The following ZCCHC17 variants were observed in gnomAD, a reference collection of about 807,000 sequenced individuals.
ZCCHC17 encodes the protein zinc finger CCHC domain-containing protein 17.
ZCCHC17 carries 18 observed loss-of-function variants against 30.6 expected under a neutral mutation model. That is an observed-to-expected ratio of 0.59 (90% CI 0.41 to 0.87). The LOEUF is 0.87. Among genes scored for constraint, ZCCHC17 ranks in the 40% least tolerant of loss-of-function variants. The pLI, the probability that ZCCHC17 is intolerant of heterozygous loss-of-function variation, is 0.00. For missense variants in ZCCHC17, 263 were observed against 284.2 expected, an observed-to-expected ratio of 0.93 and a Z score of 0.54; for synonymous variants, 88 against 92.4, an observed-to-expected ratio of 0.95 and a Z score of 0.27.
intron 3 of ZCCHC17, among the ~76,000 whole-genome samples, chr1:31,331,425 C>T (rs1032304350): frequency 1.3e-5 from 2 of 151,920 alleles, no homozygotes; most frequent in Non-Finnish European, 2.9e-5. Flanking sequence ...GGATTACAGG[C>T]GTGAGCCAGC....
In ZCCHC17 at chr1:31,339,899, T is replaced by C. The variant is rs565294502; in HGVS notation, c.317+851T>C. ...TCATTTAGGAATGGGAAATTATCTA[T>C]GTAGGACAATGTCTGGCAATACAAG... On this transcript the variant is annotated intron_variant, in intron 5 of 7. Coordinates refer to ENST00000344147, the MANE Select transcript of ZCCHC17 (RefSeq NM_016505.4). Among the ~76,000 whole-genome samples the C allele has an allele frequency of 3.3e-5, 5 of 151,554 alleles. No homozygotes were observed. The South Asian group carries it at 1.0e-3, about 32-fold the overall frequency.
chr1:31,308,072 C>G (rs953774982), intron 1 of ZCCHC17, among the ~76,000 whole-genome samples: 1 of 152,070 alleles, frequency 6.6e-6, no homozygotes, highest in Non-Finnish European at 1.5e-5. Context: ...GGATACTGGA[C>G]AGAGGGAAAG....
At chr1:31,332,191 C>T (rs1344610568) in intron 3 of ZCCHC17, among the ~76,000 whole-genome samples, 2 of 152,160 alleles carry the variant, frequency 1.3e-5, no homozygotes, top group African/African-American at 4.8e-5. Flanking sequence ...AACTGACAGT[C>T]TGGTTAATGT....
At chr1:31,305,174 C>T (rs1270767688) in intron 1 of ZCCHC17, among the ~76,000 whole-genome samples, 1 of 152,194 alleles carries the variant, frequency 6.6e-6, no homozygotes, top group Non-Finnish European at 1.5e-5. Flanking sequence ...GGTTCTACTC[C>T]CTCAGCCTTT....
At chr1:31,340,827 C>G (rs962782030) in intron 5 of ZCCHC17, among the ~76,000 whole-genome samples, 2 of 152,142 alleles carry the variant, frequency 1.3e-5, no homozygotes, top group Non-Finnish European at 2.9e-5. Context: ...TGAGTGGGAT[C>G]TTATTGGTGA....
chr1:31,363,114 A>T (rs1482892723), intron 7 of ZCCHC17, among the ~76,000 whole-genome samples: 1 of 152,066 alleles, frequency 6.6e-6, no homozygotes, highest in Non-Finnish European at 1.5e-5. Context: ...TCTTTTACTT[A>T]ACATGTTTTA....
At chr1:31,321,378 C>G (rs1331732857) in intron 3 of ZCCHC17, among the ~76,000 whole-genome samples, 2 of 152,186 alleles carry the variant, frequency 1.3e-5, no homozygotes, top group African/African-American at 4.8e-5. Flanking sequence ...TGAGGCTTCC[C>G]CAGCCATGCT....
At position 31,364,611 on chromosome 1, in the gene ZCCHC17, C is replaced by T. The variant is rs181814327; in HGVS notation, c.*418C>T. 2 of 168,062 alleles carry T rather than the reference C, an allele frequency of 1.2e-5. No individual in the cohort carries two copies. Among genetic ancestry groups the T allele is most frequent in the Non-Finnish European group, 1.3e-5 (1 of 77,128 alleles). The allele number at this position is 168,062 out of a possible 1,614,324, so 10.4% of individuals were successfully genotyped here. ...ACCCTTCCTATTGGTCTGTCCTGGGCCAACTGGTGGGTGATCTCTGCTGCA... is the reference window on the plus strand; with the variant it reads ...ACCCTTCCTATTGGTCTGTCCTGGGTCAACTGGTGGGTGATCTCTGCTGCA... On this transcript the variant is annotated 3_prime_UTR_variant, in exon 8 of 8. Transcript: ENST00000344147.
chr1:31,344,036 G>A (rs1387676344), intron 5 of ZCCHC17, among the ~76,000 whole-genome samples: 1 of 151,634 alleles, frequency 6.6e-6, no homozygotes, highest in Non-Finnish European at 1.5e-5. Flanking sequence ...TGTTTTTTTA[G>A]TAGAGACGGG....
intron 2 of ZCCHC17, among the ~76,000 whole-genome samples, chr1:31,315,455 T>C (rs1258188151): frequency 6.6e-6 from 1 of 152,168 alleles, no homozygotes; most frequent in East Asian, 1.9e-4. Context: ...ATTATATTAA[T>C]ACATGGTAGG....
intron 5 of ZCCHC17, among the ~76,000 whole-genome samples, chr1:31,345,313 C>T (rs7556591): frequency 0.14 from 21,263 of 150,884 alleles, 1,630 homozygotes; most frequent in African/African-American, 0.17. Context: ...CCCGCCACCT[C>T]GCCCGGCTAA....
Position 31,310,043 on chromosome 1 carries a change from G to A in ZCCHC17, c.-55-1G>A. ...ATTGGTGTCTGATTTCTTTATGACA[G>A]GACACTTGTATTAGCTTTAATAGAA... On this transcript the variant is annotated splice_acceptor_variant, in intron 1 of 7. Transcript: ENST00000344147. LOFTEE classifies it low-confidence loss of function (5UTR_SPLICE). 2 of 1,558,584 alleles carry A rather than the reference G, an allele frequency of 1.3e-6. No homozygotes were observed.
chr1:31,344,182 C>T (rs574456749), intron 5 of ZCCHC17, among the ~76,000 whole-genome samples: 12 of 151,544 alleles, frequency 7.9e-5, no homozygotes, highest in Admixed American at 2.6e-4. Context: ...GTAGAGATGA[C>T]GTCTTGCTGT....
chr1:31,335,565 A>T (rs187431441), intron 3 of ZCCHC17, among the ~76,000 whole-genome samples: 137 of 152,158 alleles, frequency 9.0e-4, no homozygotes, highest in Non-Finnish European at 8.2e-4. Context: ...TTTTCTAGAG[A>T]TGGGGTCTCA....
At chr1:31,327,932 G>A (rs1638423240) in intron 3 of ZCCHC17, among the ~76,000 whole-genome samples, 1 of 152,146 alleles carries the variant, frequency 6.6e-6, no homozygotes, top group Non-Finnish European at 1.5e-5. Flanking sequence ...CCAAACCTCA[G>A]CATCATGCAG....
In ZCCHC17 at chr1:31,310,124, T is replaced by C; in HGVS notation, c.26T>C (p.Met9Thr). Residue 9 changes from methionine to threonine, a missense_variant, in exon 2 of 8, where the codon ATG (methionine) becomes ACG (threonine). By Grantham distance (81) the Met-to-Thr change is moderately conservative. Transcript: ENST00000344147. MNSGRPETMENLPALYTIF... is the reference protein window; with the variant it reads MNSGRPETTENLPALYTIF... ...ATGAATTCAGGAAGGCCTGAGACCA[T>C]GGAAAACTTGCCTGCTCTCTACACT... 1 of 1,614,128 alleles carries C rather than the reference T, an allele frequency of 6.2e-7. No individual in the cohort carries two copies. Among genetic ancestry groups the C allele is most frequent in the East Asian group, 2.2e-5 (1 of 44,874 alleles).
chr1:31,344,361 C>T (rs1274653420), intron 5 of ZCCHC17, among the ~76,000 whole-genome samples: 2 of 152,178 alleles, frequency 1.3e-5, no homozygotes, highest in African/African-American at 2.4e-5. Flanking sequence ...GTATGTCTCC[C>T]TCCATTGCCA....
intron 7 of ZCCHC17, among the ~76,000 whole-genome samples, chr1:31,361,321 A>G (rs1056982114): frequency 1.3e-5 from 2 of 152,238 alleles, no homozygotes; most frequent in Non-Finnish European, 2.9e-5. Context: ...CTGTCAGAAC[A>G]TCCTGGGAGT....
chr1:31,363,706 C>T (rs113022955), intron 7 of ZCCHC17, among the ~76,000 whole-genome samples: 3,396 of 152,210 alleles, frequency 0.022, 116 homozygotes, highest in African/African-American at 0.077. Context: ...TGCTTGAGCC[C>T]AAGAGGTTGA....
Sources: allele counts gnomAD v4.1 joint callset (sites outside exome capture counted in the v4.1 genomes callset), GRCh38; gene constraint gnomAD v4.1.1; transcripts MANE v1.5; gene names NCBI Gene and HGNC (gene_info 2026-07-23, HGNC 2026-07-21).